Variants in LYRM4 observed in about 807,000 individuals in gnomAD.
The protein encoded by LYRM4 is LYR motif-containing protein 4.
In LYRM4, 9 loss-of-function variants were observed where a neutral mutation model predicts 11.7. The ratio of observed to expected loss-of-function variants is 0.77; its 90% confidence interval spans 0.46 to 1.34. The LOEUF is 1.34. Among genes scored for constraint, LYRM4 ranks in the 40% most tolerant of loss-of-function variants. LYRM4 has a pLI of 0.00. For synonymous variants in LYRM4, 42 were observed against 40.4 expected, an observed-to-expected ratio of 1.04 and a Z score of -0.15; for missense variants, 133 against 112.5, an observed-to-expected ratio of 1.18 and a Z score of -0.82.
the LYRM4 span, chr6:5,085,781 T>TGCAGCA: frequency 1.3e-5 from 20 of 1,532,728 alleles, no homozygotes; most frequent in Non-Finnish European, 8.8e-7. Flanking sequence ...GCCAAGTTCC[T>TGCAGCA]GCAGCAGCAG....
At chr6:5,083,583 C>T in the LYRM4 span, among the ~76,000 whole-genome samples, 4 of 152,226 alleles carry the variant, frequency 2.6e-5, no homozygotes, top group East Asian at 7.7e-4. Context: ...CCCTGTGGGG[C>T]CTTGGCGATG....
At chr6:5,234,133 A>G (rs1196461956) in intron 1 of LYRM4, among the ~76,000 whole-genome samples, 1 of 152,280 alleles carries the variant, frequency 6.6e-6, no homozygotes. Flanking sequence ...AACATAAAAT[A>G]ATAAAATAAA....
chr6:5,093,991 G>C, the LYRM4 span, among the ~76,000 whole-genome samples: 1 of 152,204 alleles, frequency 6.6e-6, no homozygotes, highest in African/African-American at 2.4e-5. Flanking sequence ...ACCCCGACTA[G>C]GTTGGTTCTT....
chr6:5,227,589 A>G (rs1762967463), intron 1 of LYRM4, among the ~76,000 whole-genome samples: 1 of 152,190 alleles, frequency 6.6e-6, no homozygotes, highest in Non-Finnish European at 1.5e-5. Context: ...TTCCTCAAGG[A>G]TCTAGAACCA....
chr6:5,196,599 G>A (rs1761069237), intron 2 of LYRM4, among the ~76,000 whole-genome samples: 1 of 152,200 alleles, frequency 6.6e-6, no homozygotes, highest in African/African-American at 2.4e-5. Flanking sequence ...CTCCTCAGAG[G>A]AGCTGGGCAC....
the LYRM4 span, among the ~76,000 whole-genome samples, chr6:5,054,892 C>T: frequency 6.6e-6 from 1 of 152,134 alleles, no homozygotes; most frequent in African/African-American, 2.4e-5. Context: ...AAATATATTC[C>T]CTTGACATAT....
At chr6:5,247,512 A>G (rs1764247666) in intron 1 of LYRM4, among the ~76,000 whole-genome samples, 1 of 152,252 alleles carries the variant, frequency 6.6e-6, no homozygotes, top group Non-Finnish European at 1.5e-5. Context: ...TGGTTAAAAC[A>G]ATATCACTCT....
At chr6:5,250,647 G>A (rs1245679377) in intron 1 of LYRM4, among the ~76,000 whole-genome samples, 2 of 152,172 alleles carry the variant, frequency 1.3e-5, no homozygotes, top group Non-Finnish European at 2.9e-5. Context: ...TTGTTGAAGA[G>A]GTCAGGTAAC....
chr6:5,124,398 A>G (rs1295347838), intron 2 of LYRM4, among the ~76,000 whole-genome samples: 2 of 152,176 alleles, frequency 1.3e-5, no homozygotes, highest in East Asian at 3.8e-4. Flanking sequence ...CCTAGTTTTT[A>G]GAAAATTTAG....
At chr6:5,083,214 A>G in the LYRM4 span, among the ~76,000 whole-genome samples, 1 of 152,224 alleles carries the variant, frequency 6.6e-6, no homozygotes, top group Non-Finnish European at 1.5e-5. Flanking sequence ...TTGTAGCCCA[A>G]AGGGTCGCCA....
chr6:5,203,789 G>T (rs1216514566), intron 2 of LYRM4, among the ~76,000 whole-genome samples: 1 of 152,210 alleles, frequency 6.6e-6, no homozygotes, highest in Admixed American at 6.5e-5. Context: ...CGTCTAAGCG[G>T]CTGGAGAGCA....
At chr6:5,110,739 T>C (rs558506350) in intron 2 of LYRM4, among the ~76,000 whole-genome samples, 3 of 152,224 alleles carry the variant, frequency 2.0e-5, no homozygotes, top group East Asian at 3.9e-4. Context: ...GTGTAGAGAA[T>C]GAGTGCTCCT....
chr6:5,202,639 C>A (rs1167897514), intron 2 of LYRM4, among the ~76,000 whole-genome samples: 7 of 152,282 alleles, frequency 4.6e-5, no homozygotes, highest in African/African-American at 1.7e-4. Flanking sequence ...CCTTATTTCT[C>A]CCTAGTTCTC....
chr6:5,153,990 C>T (rs1242477144), intron 2 of LYRM4, among the ~76,000 whole-genome samples: 1 of 152,104 alleles, frequency 6.6e-6, no homozygotes, highest in African/African-American at 2.4e-5. Flanking sequence ...CTCTTCCCTA[C>T]ATCTAGTAAA....
At chr6:5,056,950 T>G in the LYRM4 span, among the ~76,000 whole-genome samples, 1 of 152,192 alleles carries the variant, frequency 6.6e-6, no homozygotes, top group Admixed American at 6.5e-5. Flanking sequence ...ACATTGGTAG[T>G]AGAAGTGACA....
intron 2 of LYRM4, chr6:5,186,865 TC>T: frequency 2.2e-6 from 1 of 457,052 alleles, no homozygotes; most frequent in Non-Finnish European, 3.6e-6. Context: ...GCGCCTATAA[TC>T]CCAGCTACTC....
chr6:5,143,063 C>T (rs972306561), intron 2 of LYRM4, among the ~76,000 whole-genome samples: 1 of 152,244 alleles, frequency 6.6e-6, no homozygotes, highest in African/African-American at 2.4e-5. Flanking sequence ...TGGGATGCCA[C>T]ATGTATTGGT....
intron 1 of LYRM4, among the ~76,000 whole-genome samples, chr6:5,245,181 GGAACAAAAA>G (rs1764140346): frequency 1.1e-5 from 1 of 91,148 alleles, no homozygotes; most frequent in Non-Finnish European, 2.1e-5. Context: ...GTGAATTTCT[GGAACAAAAA>G]AGATCAATAT....
At chr6:5,214,507 G>A (rs961973847) in intron 2 of LYRM4, among the ~76,000 whole-genome samples, 31 of 152,160 alleles carry the variant, frequency 2.0e-4, no homozygotes, top group Admixed American at 1.3e-3. Flanking sequence ...GCAGTGGCCC[G>A]ATCTTTCTTT....
Sources: allele counts gnomAD v4.1 joint callset (sites outside exome capture counted in the v4.1 genomes callset), GRCh38; gene constraint gnomAD v4.1.1; transcripts MANE v1.5; gene names NCBI Gene and HGNC (gene_info 2026-07-23, HGNC 2026-07-21).